Variants in EPHA6 observed in about 807,000 individuals in gnomAD.
EPHA6 encodes the protein EPH receptor A6.
EPHA6 carries 50 observed loss-of-function variants against 112.0 expected under a neutral mutation model. The ratio of observed to expected loss-of-function variants is 0.45; its 90% CI spans 0.36 to 0.56. The LOEUF (loss-of-function observed/expected upper bound fraction) is 0.56, where lower values mean the gene tolerates loss of function less well. Among genes scored for constraint, EPHA6 ranks in the 20% least tolerant of loss-of-function variants. The pLI, the probability that EPHA6 is intolerant of heterozygous loss-of-function variation, is 0.00. For synonymous variants in EPHA6, 529 were observed against 490.7 expected (o/e 1.08, Z -1.03); for missense variants, 1,280 against 1,417.4 (o/e 0.90, Z 1.56).
At chr3:96,967,477 A>G (rs922751609) in intron 2 of EPHA6, among the ~76,000 whole-genome samples, 2 of 151,554 alleles carry the variant, frequency 1.3e-5, no homozygotes, top group African/African-American at 4.8e-5. Context: ...TTATTTTTCA[A>G]ACTTTATTAT....
At chr3:97,564,604 C>G (rs993319804) in intron 11 of EPHA6, among the ~76,000 whole-genome samples, 1 of 152,038 alleles carries the variant, frequency 6.6e-6, no homozygotes, top group African/African-American at 2.4e-5. Flanking sequence ...GTATTAAAAA[C>G]CATGACAGAT....
chr3:97,724,795 C>G (rs527264465), intron 15 of EPHA6, among the ~76,000 whole-genome samples: 2 of 151,818 alleles, frequency 1.3e-5, no homozygotes, highest in Admixed American at 1.3e-4. Flanking sequence ...GCAGTTTTCA[C>G]TCTCAAAGAA....
At chr3:97,500,292 T>TA (rs1168056698) in intron 10 of EPHA6, among the ~76,000 whole-genome samples, 28 of 151,884 alleles carry the variant, frequency 1.8e-4, no homozygotes, top group African/African-American at 6.3e-4. Context: ...TATTTTTTTT[T>TA]TAAAAAAAGA....
chr3:97,145,548 AC>A (rs1399492541), intron 3 of EPHA6, among the ~76,000 whole-genome samples: 4 of 151,172 alleles, frequency 2.6e-5, no homozygotes, highest in East Asian at 1.9e-4. Flanking sequence ...AAAAAAAAAA[AC>A]ATTTTAATGC....
At chr3:96,889,267 A>G (rs541687464) in intron 2 of EPHA6, among the ~76,000 whole-genome samples, 14 of 152,154 alleles carry the variant, frequency 9.2e-5, no homozygotes, top group South Asian at 2.1e-4. Flanking sequence ...CTGTTACCCA[A>G]TTCCGAAGTT....
At chr3:97,645,761 T>G (rs1324269122) in intron 14 of EPHA6, among the ~76,000 whole-genome samples, 2 of 152,180 alleles carry the variant, frequency 1.3e-5, no homozygotes, top group Non-Finnish European at 2.9e-5. Flanking sequence ...ATTTTACGTA[T>G]AATTCAGTTT....
chr3:96,835,201 A>G (rs1181356757), intron 1 of EPHA6, among the ~76,000 whole-genome samples: 1 of 152,092 alleles, frequency 6.6e-6, no homozygotes, highest in Non-Finnish European at 1.5e-5. Flanking sequence ...TGCATTGGAG[A>G]TACAAATATG....
chr3:97,351,864 G>A (rs1169345198), intron 5 of EPHA6, among the ~76,000 whole-genome samples: 1 of 152,052 alleles, frequency 6.6e-6, no homozygotes, highest in African/African-American at 2.4e-5. Context: ...ACTAATATAG[G>A]ATAGCTATTA....
intron 3 of EPHA6, among the ~76,000 whole-genome samples, chr3:97,019,670 T>G (rs1244868627): frequency 2.0e-5 from 3 of 152,192 alleles, no homozygotes; most frequent in Admixed American, 6.5e-5. Context: ...GTTTCACCAG[T>G]AAGTACATAT....
At chr3:97,254,890 T>C (rs1056033628) in intron 5 of EPHA6, among the ~76,000 whole-genome samples, 2 of 152,140 alleles carry the variant, frequency 1.3e-5, no homozygotes, top group African/African-American at 2.4e-5. Flanking sequence ...CTTCAGGAGA[T>C]AGAAGGTCAC....
chr3:97,657,581 A>G (rs1576220486), intron 14 of EPHA6, among the ~76,000 whole-genome samples: 1 of 151,866 alleles, frequency 6.6e-6, no homozygotes, highest in Admixed American at 6.6e-5. Flanking sequence ...CATTAATTTG[A>G]AATCCTTGTA....
chr3:97,736,984 T>C (rs1332988776), intron 16 of EPHA6, among the ~76,000 whole-genome samples: 1 of 152,030 alleles, frequency 6.6e-6, no homozygotes, highest in Non-Finnish European at 1.5e-5. Context: ...TGCAGGTTTT[T>C]AGTGACAGTA....
Position 97,698,555 on chromosome 3 carries a change from A to T in EPHA6, c.2785-21706A>T, listed in dbSNP as rs190818687. Among the ~76,000 whole-genome samples, 9 of 152,338 alleles carry T rather than the reference A, an allele frequency of 5.9e-5. No homozygotes were observed. In the East Asian group the frequency reaches 1.7e-3, roughly 29 times the overall value. ...AAAATGTGACACAATAAATTTCAGGATAACACAATAGAGTTAATGTGTAAA... is the reference window on the plus strand; with the variant it reads ...AAAATGTGACACAATAAATTTCAGGTTAACACAATAGAGTTAATGTGTAAA... On this transcript the variant is annotated intron_variant, in intron 14 of 17. Coordinates refer to ENST00000389672, the MANE Select transcript of EPHA6 (RefSeq NM_001080448.3).
intron 2 of EPHA6, among the ~76,000 whole-genome samples, chr3:96,913,188 ACACACACACACACACACACACACAC>A (rs562099574): frequency 0.029 from 4,177 of 146,004 alleles, 95 homozygotes; most frequent in Middle Eastern, 0.066. Context: ...ACACACACAC[ACACACACACACACACACACACACAC>A]CACACACACG....
At chr3:97,123,935 C>T (rs1342454230) in intron 3 of EPHA6, among the ~76,000 whole-genome samples, 1 of 151,706 alleles carries the variant, frequency 6.6e-6, no homozygotes, top group Admixed American at 6.6e-5. Flanking sequence ...GAGAGATCTC[C>T]TGAGTAGTTT....
chr3:96,857,738 A>G (rs1423097271), intron 1 of EPHA6, among the ~76,000 whole-genome samples: 1 of 151,340 alleles, frequency 6.6e-6, no homozygotes, highest in East Asian at 1.9e-4. Flanking sequence ...TTACTAAACT[A>G]CTACAATCCA....
chr3:97,626,199 A>C (rs1194850849), intron 13 of EPHA6, among the ~76,000 whole-genome samples: 2 of 151,878 alleles, frequency 1.3e-5, no homozygotes, highest in African/African-American at 4.8e-5. Context: ...ATGCAATGTA[A>C]GTATCCAGGA....
chr3:97,466,127 TC>T, intron 7 of EPHA6: 1 of 514,324 alleles, frequency 1.9e-6, no homozygotes, highest in Non-Finnish European at 3.6e-6. Context: ...TGTTAGTCTT[TC>T]TGTAGAAAAA....
chr3:97,435,251 C>T (rs540381850), intron 6 of EPHA6, among the ~76,000 whole-genome samples: 12 of 152,186 alleles, frequency 7.9e-5, no homozygotes, highest in South Asian at 2.1e-4. Context: ...TTATTTGCTT[C>T]GCTTCTCATT....
Sources: gnomAD v4.1 joint callset for allele counts (sites outside exome capture counted in the v4.1 genomes callset) on GRCh38, gnomAD v4.1.1 for gene constraint, MANE v1.5 for transcripts, NCBI Gene and HGNC (gene_info 2026-07-23, HGNC 2026-07-21) for gene names.